Variants in LMCD1 observed in about 807,000 individuals in gnomAD.
LMCD1 encodes LIM and cysteine-rich domains protein 1.
LMCD1 carries 32 observed loss-of-function variants against 42.7 expected under a neutral mutation model. The ratio of observed to expected loss-of-function variants is 0.75; its 90% CI spans 0.57 to 1.01. LMCD1 has a LOEUF of 1.01. LMCD1 is among the 50% of genes least tolerant of loss of function. The probability of loss-of-function intolerance (pLI) is 0.00; values close to 1 mark genes in which losing one functional copy is unlikely to be tolerated. For synonymous variants in LMCD1, 178 were observed against 184.9 expected, an observed-to-expected ratio of 0.96 and a Z score of 0.30; for missense variants, 458 against 483.1, an observed-to-expected ratio of 0.95 and a Z score of 0.49.
chr3:8,541,475 G>A (rs1694625991), intron 3 of LMCD1, among the ~76,000 whole-genome samples: 2 of 152,118 alleles, frequency 1.3e-5, no homozygotes, highest in African/African-American at 4.8e-5. Context: ...CTTGAACCCG[G>A]GAGGCAGAGG....
Position 8,532,830 on chromosome 3 carries a change from C to T in LMCD1, c.131+5C>T. On this transcript the variant is annotated splice_donor_5th_base_variant and intron_variant, in intron 2 of 5. Coordinates refer to ENST00000157600, the MANE Select transcript of LMCD1 (RefSeq NM_014583.4). ...CTTCGAGCCACATTCATGGAGGTAA[C>T]AGATTTTGTCAGGAGGGTCCCTGTC... The T allele has an allele frequency of 6.2e-7, 1 of 1,611,932 alleles. No individual in the cohort carries two copies. The highest frequency in any genetic ancestry group is 8.5e-7 in the Non-Finnish European group (1 of 1,178,334).
chr3:8,502,123 T>A, intron 1 of LMCD1, 143 bp downstream of exon 1: 1 of 693,560 alleles, frequency 1.4e-6, no homozygotes, highest in East Asian at 3.2e-5. Flanking sequence ...TAGTTGGGAA[T>A]ACATGTTTGA....
chr3:8,533,579 G>C (rs1018224454), intron 2 of LMCD1, among the ~76,000 whole-genome samples: 3 of 152,108 alleles, frequency 2.0e-5, no homozygotes, highest in Non-Finnish European at 2.9e-5. Context: ...AGCGCTCAGT[G>C]GGGGGACAAA....
At chr3:8,508,642 C>T (rs1202983527) in intron 1 of LMCD1, among the ~76,000 whole-genome samples, 1 of 152,126 alleles carries the variant, frequency 6.6e-6, no homozygotes, top group African/African-American at 2.4e-5. Flanking sequence ...AATGGCATAT[C>T]TGAAATTTAC....
At chr3:8,549,083 A>G (rs1694793127) in intron 4 of LMCD1, among the ~76,000 whole-genome samples, 180 bp downstream of exon 4, 1 of 152,206 alleles carries the variant, frequency 6.6e-6, no homozygotes, top group African/African-American at 2.4e-5. Context: ...AAAATGATAC[A>G]ATACCACTGC....
intron 4 of LMCD1, among the ~76,000 whole-genome samples, chr3:8,552,061 C>T (rs1256799620): frequency 6.6e-6 from 1 of 152,212 alleles, no homozygotes; most frequent in Non-Finnish European, 1.5e-5. Context: ...CATACGGGAA[C>T]TGTATCGGTA....
intron 4 of LMCD1, 126 bp from the exon 5 acceptor site, chr3:8,565,306 A>T (rs1199687951): frequency 4.0e-6 from 3 of 747,592 alleles, no homozygotes; most frequent in Non-Finnish European, 7.0e-6. Flanking sequence ...AAACTGAGGC[A>T]CGAAGAGGTA....
intron 1 of LMCD1, among the ~76,000 whole-genome samples, chr3:8,524,200 GAAAAAAAAA>G (rs767993356): frequency 3.4e-5 from 3 of 87,482 alleles, no homozygotes; most frequent in Non-Finnish European, 4.7e-5. Flanking sequence ...ACTTCTTAAG[GAAAAAAAAA>G]AAAAAAAAAA....
At chr3:8,547,995 G>A (rs1258225596) in intron 3 of LMCD1, among the ~76,000 whole-genome samples, 1 of 152,232 alleles carries the variant, frequency 6.6e-6, no homozygotes, top group Non-Finnish European at 1.5e-5. Flanking sequence ...TGTACAGCAT[G>A]TGACTGTACT....
chr3:8,560,865 A>G (rs1282054616), intron 4 of LMCD1, among the ~76,000 whole-genome samples: 1 of 152,194 alleles, frequency 6.6e-6, no homozygotes, highest in African/African-American at 2.4e-5. Context: ...AGCATGTTCT[A>G]AGGAACATTA....
chr3:8,502,377 A>ATTT, intron 1 of LMCD1, among the ~76,000 whole-genome samples: 1 of 95,282 alleles, frequency 1.0e-5, no homozygotes, highest in East Asian at 2.8e-4. Flanking sequence ...TAAAATATAT[A>ATTT]TAATATATAT....
intron 3 of LMCD1, among the ~76,000 whole-genome samples, chr3:8,539,258 A>C (rs1694571479): frequency 6.6e-6 from 1 of 152,198 alleles, no homozygotes; most frequent in Non-Finnish European, 1.5e-5. Flanking sequence ...AAAGAGACTA[A>C]GATTTTTTTC....
chr3:8,535,135 T>G (rs1694486320), intron 2 of LMCD1, among the ~76,000 whole-genome samples: 1 of 152,148 alleles, frequency 6.6e-6, no homozygotes, highest in African/African-American at 2.4e-5. Context: ...TTTCCTTCAC[T>G]TTCTGCCTCT....
intron 3 of LMCD1, among the ~76,000 whole-genome samples, 169 bp from the exon 4 acceptor site, chr3:8,548,399 A>G (rs1251810245): frequency 3.3e-5 from 5 of 152,218 alleles, no homozygotes; most frequent in Non-Finnish European, 7.3e-5. Flanking sequence ...TAAAATTACA[A>G]AAGTAATCTA....
chr3:8,568,674 G>A lies in LMCD1; in HGVS notation c.*1076G>A, dbSNP rs1035226598. The stretch of plus-strand genomic sequence containing the variant: ...GCCAACTAAACATTGAATGAGTCAC[G>A]TAGAATAGGTCTTTGGGCCAAATTG... On this transcript the variant is annotated 3_prime_UTR_variant, in exon 6 of 6. Transcript: ENST00000157600. 1.4e-4 allele frequency: 21 copies of A among 152,278 alleles called. No homozygotes were observed. Among genetic ancestry groups the A allele is most frequent in the Non-Finnish European group, 2.1e-4 (14 of 68,012 alleles). The allele number at this position is 152,278 out of a possible 1,614,324, so 9.4% of individuals were successfully genotyped here. A position where few individuals can be genotyped will look rare whatever the true frequency, so the allele number is the denominator to read the frequency against.
chr3:8,551,163 A>G lies in LMCD1; in HGVS notation c.723+2260A>G, dbSNP rs997656109. On this transcript the variant is annotated intron_variant, in intron 4 of 5. Transcript: ENST00000157600. ...CAACCACAATTTTACTTTAATTATT[A>G]TGTAATTAGTGAATCGATGTCTGTC... is the stretch of plus-strand genomic sequence containing the variant. 20 of 985,264 alleles carry G rather than the reference A, an allele frequency of 2.0e-5. No individual in the cohort carries two copies. In the Admixed American group the frequency reaches 3.7e-4, roughly 18 times the overall value. The allele number at this position is 985,264 out of a possible 1,614,324, so 61.0% of individuals were successfully genotyped here.
At chr3:8,533,310 C>T (rs1037273596) in intron 2 of LMCD1, among the ~76,000 whole-genome samples, 2 of 152,116 alleles carry the variant, frequency 1.3e-5, no homozygotes, top group Admixed American at 6.6e-5. Flanking sequence ...ACAGGAGGAC[C>T]ATAAGATCCA....
chr3:8,514,948 T>C (rs1210156175), intron 1 of LMCD1: 2 of 456,576 alleles, frequency 4.4e-6, no homozygotes, highest in East Asian at 6.9e-5. Context: ...GGGATATACA[T>C]ATAAAGTAAT....
intron 1 of LMCD1, among the ~76,000 whole-genome samples, chr3:8,521,604 C>G (rs895184343): frequency 2.0e-5 from 3 of 152,200 alleles, no homozygotes; most frequent in Non-Finnish European, 4.4e-5. Context: ...GAAAAATGTG[C>G]TGATTTGAGT....
Sources: gnomAD v4.1 joint callset for allele counts (sites outside exome capture counted in the v4.1 genomes callset) on GRCh38, gnomAD v4.1.1 for gene constraint, MANE v1.5 for transcripts, NCBI Gene and HGNC (gene_info 2026-07-23, HGNC 2026-07-21) for gene names.